LAMA2: variants seen among roughly 807,000 people sequenced by gnomAD.
The protein encoded by LAMA2 is laminin subunit alpha 2, also known as laminin subunit alpha-2.
Under a neutral mutation model 364.8 loss-of-function variants are expected in LAMA2, and 269 were observed. That is an observed-to-expected ratio of 0.74 (90% CI 0.67 to 0.82). LAMA2 has a LOEUF of 0.82. Among genes scored for constraint, LAMA2 ranks in the 40% least tolerant of loss-of-function variants. LAMA2 has a pLI of 0.00. For synonymous variants in LAMA2, 1,379 were observed against 1,370.6 expected (o/e 1.01, Z -0.14); for missense variants, 3,807 against 3,873.2 (o/e 0.98, Z 0.45).
intron 12 of LAMA2, among the ~76,000 whole-genome samples, chr6:129,197,194 C>T (rs1326364127): frequency 6.6e-6 from 1 of 152,124 alleles, no homozygotes; most frequent in Non-Finnish European, 1.5e-5. Flanking sequence ...TCTGAAATGA[C>T]CTTGCAAAGC....
chr6:129,380,378 A>C (rs1050524544), intron 34 of LAMA2, among the ~76,000 whole-genome samples: 2 of 152,164 alleles, frequency 1.3e-5, no homozygotes, highest in Non-Finnish European at 2.9e-5. Flanking sequence ...GAGAATATTT[A>C]CTATAAGTTA....
chr6:129,321,205 T>G (rs1774944627), intron 28 of LAMA2, among the ~76,000 whole-genome samples: 1 of 152,242 alleles, frequency 6.6e-6, no homozygotes, highest in Non-Finnish European at 1.5e-5. Context: ...TGCTGAGATA[T>G]TCTCTTGTCT....
At chr6:129,396,681 A>T (rs1048037849) in intron 37 of LAMA2, among the ~76,000 whole-genome samples, 1 of 152,208 alleles carries the variant, frequency 6.6e-6, no homozygotes, top group Non-Finnish European at 1.5e-5. Context: ...AATAATATGT[A>T]TTGAGCAGTC....
chr6:129,170,775 G>A (rs1408630330), intron 9 of LAMA2, among the ~76,000 whole-genome samples: 2 of 151,624 alleles, frequency 1.3e-5, no homozygotes, highest in African/African-American at 2.4e-5. Context: ...ACAGTGGGGT[G>A]TTAAAGTCTC....
Position 129,349,358 on chromosome 6 carries a change from G to A in LAMA2, c.4497G>A (p.Arg1499=). ...LDDYRCTACP[R]GYEGQYCERC... is the part of the protein sequence containing the mutation. The stretch of plus-strand genomic sequence containing the variant: ...ACTACCGCTGCACGGCTTGTCCACG[G>A]GGATATGAAGGCCAGTACTGTGAAA... Residue 1499 remains arginine, a synonymous_variant, in exon 31 of 65, where the codon CGG becomes CGA. Coordinates refer to ENST00000421865, the MANE Select transcript of LAMA2 (RefSeq NM_000426.4). 1 of 1,613,460 alleles carries A rather than the reference G, an allele frequency of 6.2e-7. No homozygotes were observed. The highest frequency in any genetic ancestry group is 8.5e-7 in the Non-Finnish European group (1 of 1,179,548).
At chr6:129,309,069 G>A (rs1774053253) in intron 22 of LAMA2, among the ~76,000 whole-genome samples, 1 of 152,174 alleles carries the variant, frequency 6.6e-6, no homozygotes, top group Admixed American at 6.5e-5. Flanking sequence ...TTATTTATGA[G>A]CATGTGTTTT....
intron 1 of LAMA2, among the ~76,000 whole-genome samples, chr6:129,048,903 C>A (rs1787796525): frequency 6.6e-6 from 1 of 152,052 alleles, no homozygotes; most frequent in South Asian, 2.1e-4. Flanking sequence ...GCGTGAGTCA[C>A]CACACCCGGC....
intron 29 of LAMA2, among the ~76,000 whole-genome samples, chr6:129,329,319 A>G (rs973905557): frequency 8.6e-5 from 13 of 151,604 alleles, no homozygotes; most frequent in African/African-American, 2.9e-4. Flanking sequence ...CTCACTTTGC[A>G]TGCTGCTACC....
chr6:129,144,310 T>A (rs919442995), intron 5 of LAMA2, among the ~76,000 whole-genome samples: 15 of 152,024 alleles, frequency 9.9e-5, no homozygotes, highest in African/African-American at 3.6e-4. Context: ...TCAAACATTT[T>A]AGCCTTCTCA....
chr6:129,492,427 C>G lies in LAMA2; in HGVS notation c.8188C>G (p.Gln2730Glu), dbSNP rs1784919273. 6.2e-7 allele frequency: 1 copy of G among 1,614,008 alleles called. No homozygotes were observed. The highest frequency in any genetic ancestry group is 1.7e-5 in the Admixed American group (1 of 59,998). ...AGCAGCTCCAGCTGAAATAGTTATC[C>G]AGCCTGAGCCAGTTCCCACCCCAGC... ...DGAAPAEIVI[Q>E]PEPVPTPAFP... is the part of the protein sequence containing the mutation. The change falls in exon 58 of 65, where the codon CAG becomes GAG. Residue 2730 changes from glutamine to glutamate, a missense_variant. Coordinates refer to ENST00000421865, the MANE Select transcript of LAMA2 (RefSeq NM_000426.4).
intron 51 of LAMA2, among the ~76,000 whole-genome samples, chr6:129,468,306 A>G (rs1037395628): frequency 6.6e-6 from 1 of 151,754 alleles, no homozygotes; most frequent in Non-Finnish European, 1.5e-5. Context: ...CATGGTTGTT[A>G]CCCATTCTCT....
chr6:129,423,884 G>GT (rs904327985), intron 40 of LAMA2, among the ~76,000 whole-genome samples: 8 of 152,050 alleles, frequency 5.3e-5, no homozygotes, highest in African/African-American at 1.9e-4. Flanking sequence ...TCCTAGCAAG[G>GT]TTTTTTCCTA....
At chr6:129,279,278 A>G (rs901260766) in intron 17 of LAMA2, among the ~76,000 whole-genome samples, 1 of 152,168 alleles carries the variant, frequency 6.6e-6, no homozygotes, top group Non-Finnish European at 1.5e-5. Flanking sequence ...GGTGCCTCTC[A>G]CAAGGCAAAG....
chr6:128,948,501 G>A (rs961457583), intron 1 of LAMA2, among the ~76,000 whole-genome samples: 1 of 152,128 alleles, frequency 6.6e-6, no homozygotes, highest in African/African-American at 2.4e-5. Context: ...CACACACTAT[G>A]CTTGAGTCAT....
At chr6:128,908,188 T>G (rs1451300449) in intron 1 of LAMA2, among the ~76,000 whole-genome samples, 1 of 149,456 alleles carries the variant, frequency 6.7e-6, no homozygotes, top group Non-Finnish European at 1.5e-5. Flanking sequence ...TTCTATTGAT[T>G]GGAATAGTTT....
chr6:129,372,295 CACCTATT>C lies in LAMA2; in HGVS notation c.4959+2306_4959+2312del, dbSNP rs1338494969. On this transcript the variant is annotated intron_variant, in intron 34 of 64. Coordinates refer to ENST00000421865, the MANE Select transcript of LAMA2 (RefSeq NM_000426.4). ...ACTGCCCGAAAACTCCTCTATGCTT[CACCTATT>C]CATACCTCCCTCTTCCTTGACCCCT... Among the ~76,000 whole-genome samples, 7 of 152,294 alleles carry C rather than the reference CACCTATT, an allele frequency of 4.6e-5. No individual in the cohort carries two copies. The East Asian group carries it at 1.2e-3, about 25-fold the overall frequency.
At chr6:128,952,683 T>C (rs1780904053) in intron 1 of LAMA2, among the ~76,000 whole-genome samples, 1 of 152,220 alleles carries the variant, frequency 6.6e-6, no homozygotes. Context: ...TTATTAACAC[T>C]GTTGGATTTC....
At chr6:129,030,027 A>G (rs1172058226) in intron 1 of LAMA2, among the ~76,000 whole-genome samples, 2 of 152,036 alleles carry the variant, frequency 1.3e-5, no homozygotes, top group Admixed American at 6.6e-5. Flanking sequence ...TCAGATCCTT[A>G]TCTTTAATTA....
intron 20 of LAMA2, among the ~76,000 whole-genome samples, chr6:129,296,045 T>C (rs1179071009): frequency 1.3e-5 from 2 of 151,964 alleles, no homozygotes; most frequent in East Asian, 3.9e-4. Flanking sequence ...GTTTAATTTC[T>C]ATTTCATGCT....
Sources: allele counts gnomAD v4.1 joint callset (sites outside exome capture counted in the v4.1 genomes callset), GRCh38; gene constraint gnomAD v4.1.1; transcripts MANE v1.5; gene names NCBI Gene and HGNC (gene_info 2026-07-23, HGNC 2026-07-21).